The following ADCY7 variants were observed in gnomAD, a reference collection of about 807,000 sequenced individuals.
ADCY7 encodes the protein adenylate cyclase 7, also known as adenylate cyclase type 7.
In ADCY7, 72 loss-of-function variants were observed where a neutral mutation model predicts 120.6. The observed-to-expected ratio is 0.60, with a 90% CI of 0.49 to 0.73. ADCY7 has a LOEUF of 0.73. Among genes scored for constraint, ADCY7 ranks in the 30% least tolerant of loss-of-function variants. The probability of loss-of-function intolerance (pLI) is 0.00; values close to 1 mark genes in which losing one functional copy is unlikely to be tolerated. For synonymous variants in ADCY7, 661 were observed against 628.0 expected (o/e 1.05, Z -0.78); for missense variants, 1,227 against 1,486.0 (o/e 0.83, Z 2.87).
In ADCY7 at chr16:50,315,084, C is replaced by T. The variant is rs769554983; in HGVS notation, c.3042C>T (p.Asn1014=). ...AACCTCAGTATGACATCTGGGGAAA[C>T]ACTGTCAATGTGGCCAGCCGAATGG... is the stretch of plus-strand genomic sequence containing the variant. ...ARKPQYDIWG[N]TVNVASRMES... Residue 1014 remains asparagine, a synonymous_variant, in exon 25 of 26, where the codon AAC becomes AAT. Coordinates refer to ENST00000673801, the MANE Select transcript of ADCY7 (RefSeq NM_001114.5). 5.0e-6 allele frequency: 8 copies of T among 1,614,072 alleles called. No individual in the cohort carries two copies. Among genetic ancestry groups the T allele is most frequent in the Non-Finnish European group, 6.8e-6 (8 of 1,180,038 alleles).
chr16:50,268,368 G>A (rs2033348740), intron 1 of ADCY7, among the ~76,000 whole-genome samples: 1 of 152,036 alleles, frequency 6.6e-6, no homozygotes, highest in Non-Finnish European at 1.5e-5. Flanking sequence ...ACCTCCCAAA[G>A]TGCTGGGATT....
chr16:50,267,476 A>G lies in ADCY7; in HGVS notation c.-269+796A>G. 1.3e-5 allele frequency among the ~76,000 whole-genome samples: 2 copies of G among 152,176 alleles called. 1 individual carries two copies. The highest frequency in any genetic ancestry group is 2.9e-5 in the Non-Finnish European group (2 of 68,018). On this transcript the variant is annotated intron_variant, in intron 1 of 25. Transcript: ENST00000673801. ...CTGGAGGTAGGGGCCAGGCCGAGCCACCTACGACAGGGGCCCTGGGTCCAA... is the reference window on the plus strand; with the variant it reads ...CTGGAGGTAGGGGCCAGGCCGAGCCGCCTACGACAGGGGCCCTGGGTCCAA...
chr16:50,294,659 G>A lies in ADCY7; in HGVS notation c.856G>A (p.Val286Met). The change falls in exon 7 of 26, where the codon GTG becomes ATG. Residue 286 changes from valine to methionine, a missense_variant. Physicochemically the swap from Val to Met is conservative, Grantham distance 21. Transcript: ENST00000673801. ...CCCCAGCATCCTCTATGCGGACATC[G>A]TGGGCTTCACGCAGCTGGCCAGCGA... ...QNVSILYADI[V>M]GFTQLASDCS... is the part of the protein sequence containing the mutation. The A allele has an allele frequency of 6.3e-7, 1 of 1,576,460 alleles. No individual in the cohort carries two copies. Among genetic ancestry groups the A allele is most frequent in the Non-Finnish European group, 8.7e-7 (1 of 1,152,638 alleles).
chr16:50,315,140 T>G lies in ADCY7; in HGVS notation c.3096+2T>G, dbSNP rs2036732458. 2 of 1,613,900 alleles carry G rather than the reference T, an allele frequency of 1.2e-6. No individual in the cohort carries two copies. The highest frequency in any genetic ancestry group is 1.7e-6 in the Non-Finnish European group (2 of 1,179,978). Reference sequence around the variant, plus strand: ...ACTGGAGAACTTGGGAAAATCCAGGTAAAGACCTATTGGGGAAGCAGTTGA... The same window carrying G: ...ACTGGAGAACTTGGGAAAATCCAGGGAAAGACCTATTGGGGAAGCAGTTGA... On this transcript the variant is annotated splice_donor_variant, in intron 25 of 25. Transcript: ENST00000673801. LOFTEE classifies it high-confidence loss of function.
At chr16:50,248,137 C>T (rs1359583744) in intron 1 of ADCY7, among the ~76,000 whole-genome samples, 2 of 152,336 alleles carry the variant, frequency 1.3e-5, no homozygotes, top group Non-Finnish European at 2.9e-5. Flanking sequence ...TCCACATCAG[C>T]GAGCCTGAGC....
In ADCY7 at chr16:50,313,198, C is replaced by G. The variant is rs1267425248; in HGVS notation, c.2751+162C>G. On this transcript the variant is annotated intron_variant, in intron 22 of 25. Coordinates refer to ENST00000673801, the MANE Select transcript of ADCY7 (RefSeq NM_001114.5). ...TTGGGAGGTCAAGGTGGGTGGATCA[C>G]TTGAGGCTAGGAGTTCGAGACCAGC... The G allele has an allele frequency of 3.3e-6, 3 of 916,508 alleles. No individual in the cohort carries two copies. In the Admixed American group the frequency reaches 8.7e-5, roughly 27 times the overall value. The allele number at this position is 916,508 out of a possible 1,614,324, so 56.8% of individuals were successfully genotyped here.
intron 24 of ADCY7, 132 bp from the exon 25 acceptor site, chr16:50,314,882 A>G: frequency 7.7e-7 from 1 of 1,296,268 alleles, no homozygotes; most frequent in Non-Finnish European, 1.1e-6. Flanking sequence ...GACTCTGGGA[A>G]GCAACCCAGC....
rs958634025 is a variant in ADCY7 at position 50,288,016 on chromosome 16, G to A, written c.-164G>A. ...CCAGAGCTGTGCGGACCCCTTGTTGGCCATGGAGCAGCAGGCCCAGAGGCC... is the reference window on the plus strand; with the variant it reads ...CCAGAGCTGTGCGGACCCCTTGTTGACCATGGAGCAGCAGGCCCAGAGGCC... On this transcript the variant is annotated 5_prime_UTR_variant, in exon 2 of 26. Coordinates refer to ENST00000673801, the MANE Select transcript of ADCY7 (RefSeq NM_001114.5). The A allele has an allele frequency of 4.3e-5, 32 of 740,288 alleles. 1 individual carries two copies. The South Asian group carries it at 6.6e-4, about 15-fold the overall frequency. 45.9% of individuals were successfully genotyped at this position (740,288 alleles called of 1,614,324 possible).
chr16:50,306,944 C>T, intron 14 of ADCY7, 106 bp from the exon 15 acceptor site: 2 of 823,524 alleles, frequency 2.4e-6, no homozygotes, highest in Non-Finnish European at 3.8e-6. Context: ...CAAGCGTGAG[C>T]CACTGTCCCA....
rs561229738 is a variant in ADCY7, at chr16:50,305,376, G to T, written c.1596-127G>T. On this transcript the variant is annotated intron_variant, in intron 12 of 25. Coordinates refer to ENST00000673801, the MANE Select transcript of ADCY7 (RefSeq NM_001114.5). ...ACTCGCCCTCTCTGGGCCTCAGTGG[G>T]ACCCACCCATTCCTTCACCATCCCA... 118 of 843,454 alleles carry T rather than the reference G, an allele frequency of 1.4e-4. 1 individual carries two copies. The South Asian group carries it at 1.7e-3, about 12-fold the overall frequency. The allele number at this position is 843,454 out of a possible 1,614,324, so 52.2% of individuals were successfully genotyped here.
intron 3 of ADCY7, among the ~76,000 whole-genome samples, chr16:50,290,881 T>G (rs1279302960): frequency 6.6e-6 from 1 of 152,126 alleles, no homozygotes; most frequent in East Asian, 1.9e-4. Context: ...GGCTCCAGTT[T>G]GGTTGGAGAT....
chr16:50,254,356 A>T lies in ADCY7; in HGVS notation c.-64+8153A>T, dbSNP rs978112913. 3.9e-5 allele frequency among the ~76,000 whole-genome samples: 6 copies of T among 152,326 alleles called. No individual in the cohort carries two copies. The East Asian group carries it at 9.6e-4, about 24-fold the overall frequency. ...CTGTCACTTCATCTGTGAGAATGGTAGTCTATGTTACTAAAAGATAAGATG... is the reference window on the plus strand; with the variant it reads ...CTGTCACTTCATCTGTGAGAATGGTTGTCTATGTTACTAAAAGATAAGATG... On this transcript the variant is annotated intron_variant, in intron 1 of 4. Transcript: ENST00000564044.
upstream of ADCY7, among the ~76,000 whole-genome samples, chr16:50,264,939 T>C (rs4785397): frequency 0.99 from 147,767 of 149,936 alleles, 72,845 homozygotes; most frequent in East Asian, 1. Flanking sequence ...CAGGTTCAAG[T>C]GATTCTCCTG....
intron 11 of ADCY7, 56 bp downstream of exon 11, chr16:50,304,607 G>C (rs1262016800): frequency 1.8e-5 from 27 of 1,475,446 alleles, no homozygotes; most frequent in Non-Finnish European, 2.4e-5. Context: ...CCAGGAGCAG[G>C]AGAGTGAGTG....
upstream of ADCY7, among the ~76,000 whole-genome samples, chr16:50,263,815 C>T (rs1057177299): frequency 1.3e-5 from 2 of 151,978 alleles, no homozygotes; most frequent in South Asian, 2.1e-4. Context: ...TCTCCCCCAG[C>T]GGCTCCATCT....
In ADCY7 at chr16:50,301,210, C is replaced by T; in HGVS notation, c.1364C>T (p.Pro455Leu). 1.3e-6 allele frequency: 2 copies of T among 1,590,126 alleles called. No individual in the cohort carries two copies. The highest frequency in any genetic ancestry group is 1.7e-6 in the Non-Finnish European group (2 of 1,168,604). ...MNIRTYLVID[P>L]RSQQPPPPSQ... is the part of the protein sequence containing the mutation. ...ATCCGCACCTACCTGGTCATCGACC[C>T]CCGGGTACGAGGGCTCAGAGGCCGC... Residue 455 changes from proline (P) to leucine (L), a missense_variant, in exon 10 of 26, where the codon CCC becomes CTC. By Grantham distance (98) the Pro-to-Leu change is moderately conservative. Around this residue, in one of 5 missense-constraint regions of ADCY7, gnomAD observed 332 missense variants for 455.8 expected, o/e 0.73. Transcript: ENST00000673801.
At position 50,315,477 on chromosome 16, in the gene ADCY7, C is replaced by G; in HGVS notation, c.3215C>G (p.Ala1072Gly). The change falls in exon 26 of 26, where the codon GCC (alanine) becomes GGC (glycine). Residue 1072 changes from alanine (A) to glycine (G), a missense_variant. Transcript: ENST00000673801. The part of the protein sequence containing the change: ...LRTYFVCTDT[A>G]KFQGLGLN The stretch of plus-strand genomic sequence containing the variant: ...ACTTACTTTGTCTGTACGGACACTG[C>G]CAAGTTTCAGGGGCTGGGGCTGAAC... 1 of 1,613,394 alleles carries G rather than the reference C, an allele frequency of 6.2e-7. No homozygotes were observed. The highest frequency in any genetic ancestry group is 8.5e-7 in the Non-Finnish European group (1 of 1,179,364).
intron 17 of ADCY7, 63 bp from the exon 18 acceptor site, chr16:50,309,485 C>A: frequency 7.1e-7 from 1 of 1,416,304 alleles, no homozygotes; most frequent in Non-Finnish European, 9.9e-7. Flanking sequence ...GCCCACCTTG[C>A]ATGGCTTGGG....
chr16:50,303,704 G>A (rs2035880361), intron 10 of ADCY7, among the ~76,000 whole-genome samples: 2 of 152,180 alleles, frequency 1.3e-5, no homozygotes, highest in African/African-American at 4.8e-5. Context: ...GCATGAGGCT[G>A]GGTCTCGCAG....
Sources: gnomAD v4.1 joint callset for allele counts (sites outside exome capture counted in the v4.1 genomes callset) on GRCh38, gnomAD v4.1.1 for gene constraint, gnomAD v4.1.1 regional missense constraint, MANE v1.5 for transcripts, NCBI Gene and HGNC (gene_info 2026-07-23, HGNC 2026-07-21) for gene names.